Variants in CDH18 observed in about 807,000 individuals in gnomAD.
CDH18 encodes cadherin 18.
A neutral mutation model predicts 67.9 loss-of-function variants in CDH18; 31 were observed. The ratio of observed to expected loss-of-function variants is 0.46; its 90% CI spans 0.34 to 0.62. CDH18 has a LOEUF of 0.62. Ranked by LOEUF, CDH18 falls within the 20% of genes least tolerant of loss-of-function variation. The probability of loss-of-function intolerance (pLI) is 0.01; values close to 1 mark genes in which losing one functional copy is unlikely to be tolerated. For synonymous variants in CDH18, 362 were observed against 347.2 expected (o/e 1.04, Z -0.48); for missense variants, 890 against 975.5 (o/e 0.91, Z 1.17).
intron 2 of CDH18, among the ~76,000 whole-genome samples, chr5:20,172,655 A>C (rs933889454): frequency 2.0e-5 from 3 of 152,080 alleles, no homozygotes; most frequent in Middle Eastern, 3.2e-3. Context: ...CAGTGATTAC[A>C]AAAATATATG....
chr5:19,605,601 A>C (rs978221405), intron 6 of CDH18, among the ~76,000 whole-genome samples: 5 of 152,034 alleles, frequency 3.3e-5, no homozygotes, highest in Non-Finnish European at 5.9e-5. Flanking sequence ...GGTATATCTA[A>C]CTCTGTCATA....
intron 3 of CDH18, among the ~76,000 whole-genome samples, chr5:19,784,508 TTTTC>T (rs1173996449): frequency 6.6e-6 from 1 of 152,184 alleles, no homozygotes; most frequent in African/African-American, 2.4e-5. Flanking sequence ...TTCCATCTCC[TTTTC>T]TTTGTTTCAA....
At chr5:20,380,522 G>A (rs1000486434) in intron 1 of CDH18, among the ~76,000 whole-genome samples, 1 of 152,124 alleles carries the variant, frequency 6.6e-6, no homozygotes, top group South Asian at 2.1e-4. Flanking sequence ...ACGTAATTTT[G>A]TTGTTATGCA....
chr5:20,367,407 C>T (rs1261827610), intron 1 of CDH18, among the ~76,000 whole-genome samples: 2 of 152,256 alleles, frequency 1.3e-5, no homozygotes, highest in East Asian at 1.9e-4. Context: ...GGCCAGATCA[C>T]GTACCTGTGC....
chr5:20,359,203 T>A (rs1478879659), intron 1 of CDH18, among the ~76,000 whole-genome samples: 2 of 152,248 alleles, frequency 1.3e-5, no homozygotes, highest in Middle Eastern at 3.4e-3. Flanking sequence ...AATATTGGGA[T>A]TACAAGTGTG....
chr5:19,786,610 T>C (rs567121399), intron 3 of CDH18, among the ~76,000 whole-genome samples: 58 of 152,316 alleles, frequency 3.8e-4, no homozygotes, highest in African/African-American at 1.4e-3. Context: ...GGCTTTCACT[T>C]GTTCTAAAGC....
intron 1 of CDH18, among the ~76,000 whole-genome samples, chr5:20,391,927 A>G (rs1160915967): frequency 1.3e-5 from 1 of 76,022 alleles, no homozygotes; most frequent in African/African-American, 5.1e-5. Flanking sequence ...TTACAAAATG[A>G]TTAATTTATT....
chr5:20,042,778 A>G (rs1211114962), intron 2 of CDH18, among the ~76,000 whole-genome samples: 1 of 152,004 alleles, frequency 6.6e-6, no homozygotes, highest in East Asian at 1.9e-4. Context: ...CCTGGCTAAC[A>G]CAGTGTAACA....
chr5:20,077,498 A>C (rs1744052614), intron 2 of CDH18, among the ~76,000 whole-genome samples: 1 of 152,170 alleles, frequency 6.6e-6, no homozygotes, highest in Non-Finnish European at 1.5e-5. Context: ...TCCCTTAAGG[A>C]TTTTGATTTA....
At chr5:19,747,645 T>A (rs1162340354) in intron 3 of CDH18, among the ~76,000 whole-genome samples, 1 of 152,006 alleles carries the variant, frequency 6.6e-6, no homozygotes, top group Non-Finnish European at 1.5e-5. Context: ...TTCAACTTTA[T>A]GACTAGAAAA....
intron 2 of CDH18, among the ~76,000 whole-genome samples, chr5:19,860,123 A>C (rs1784739111): frequency 6.6e-6 from 1 of 152,148 alleles, no homozygotes; most frequent in African/African-American, 2.4e-5. Flanking sequence ...CATCCATTGA[A>C]TAATTTTAAG....
chr5:19,871,048 CTA>C (rs1786209214), intron 2 of CDH18, among the ~76,000 whole-genome samples: 1 of 152,102 alleles, frequency 6.6e-6, no homozygotes, highest in African/African-American at 2.4e-5. Flanking sequence ...TATAATATTT[CTA>C]TGAGATGAGT....
chr5:19,908,400 T>G (rs1343429615), intron 2 of CDH18, among the ~76,000 whole-genome samples: 1 of 152,114 alleles, frequency 6.6e-6, no homozygotes, highest in African/African-American at 2.4e-5. Flanking sequence ...AAGTTAGATA[T>G]GTACTATGAT....
chr5:20,532,975 T>TC (rs2126560413), intron 1 of CDH18, among the ~76,000 whole-genome samples: 1 of 151,910 alleles, frequency 6.6e-6, no homozygotes, highest in East Asian at 1.9e-4. Flanking sequence ...TGAAGTCCTC[T>TC]CCCCCAGGGC....
chr5:20,294,880 A>C (rs1006433271), intron 1 of CDH18, among the ~76,000 whole-genome samples: 1 of 152,192 alleles, frequency 6.6e-6, no homozygotes, highest in African/African-American at 2.4e-5. Flanking sequence ...TTGTTCAAAA[A>C]TTCTGATAGT....
chr5:20,268,244 G>A (rs1745187288), intron 1 of CDH18, among the ~76,000 whole-genome samples: 1 of 152,140 alleles, frequency 6.6e-6, no homozygotes, highest in African/African-American at 2.4e-5. Context: ...TGTGAATAGT[G>A]CTGCAATGAA....
chr5:19,724,329 A>T (rs1034779108), intron 4 of CDH18, among the ~76,000 whole-genome samples: 1 of 152,214 alleles, frequency 6.6e-6, no homozygotes, highest in African/African-American at 2.4e-5. Flanking sequence ...GAAATGAATA[A>T]CAAGTTATTA....
At chr5:19,586,439 A>G (rs1365025803) in intron 7 of CDH18, among the ~76,000 whole-genome samples, 2 of 152,092 alleles carry the variant, frequency 1.3e-5, no homozygotes, top group Admixed American at 6.6e-5. Context: ...GCTCCCACTT[A>G]TAAGTCAGAG....
intron 2 of CDH18, among the ~76,000 whole-genome samples, chr5:20,231,104 T>C (rs925084352): frequency 6.6e-6 from 1 of 152,172 alleles, no homozygotes. Flanking sequence ...CTACTATACG[T>C]TGAAATCTGT....
Sources: gnomAD v4.1 joint callset for allele counts (sites outside exome capture counted in the v4.1 genomes callset) on GRCh38, gnomAD v4.1.1 for gene constraint, MANE v1.5 for transcripts, NCBI Gene and HGNC (gene_info 2026-07-23, HGNC 2026-07-21) for gene names.